Variants in UAP1 observed in about 807,000 individuals in gnomAD.
UAP1 encodes the protein UDP-N-acetylglucosamine pyrophosphorylase 1.
In UAP1, 25 loss-of-function variants were observed where a neutral mutation model predicts 58.5. The observed-to-expected ratio is 0.43, with a 90% CI of 0.31 to 0.60. The LOEUF (loss-of-function observed/expected upper bound fraction) is 0.60. UAP1 is among the 20% of genes least tolerant of loss of function. The pLI, the probability that UAP1 is intolerant of heterozygous loss-of-function variation, is 0.11. For missense variants in UAP1, 575 were observed against 630.0 expected, an observed-to-expected ratio of 0.91 and a Z score of 0.93; for synonymous variants, 208 against 213.0, an observed-to-expected ratio of 0.98 and a Z score of 0.21.
chr1:162,570,951 C>T (rs369692099), intron 2 of UAP1, among the ~76,000 whole-genome samples: 1 of 152,248 alleles, frequency 6.6e-6, no homozygotes, highest in South Asian at 2.1e-4. Flanking sequence ...AGCATTTGAC[C>T]TCTGACAGGC....
chr1:162,562,453 C>G (rs1482348707), intron 1 of UAP1: 3 of 151,400 alleles, frequency 2.0e-5, no homozygotes, highest in African/African-American at 7.3e-5. Context: ...TTCTGGGTTT[C>G]CCCTCTCTTG....
intron 5 of UAP1, among the ~76,000 whole-genome samples, chr1:162,581,690 G>C (rs1654595494): frequency 6.6e-6 from 1 of 152,180 alleles, no homozygotes; most frequent in Non-Finnish European, 1.5e-5. Flanking sequence ...ATGTGAGGAG[G>C]ATTTGTAAGT....
At chr1:162,588,182 G>A (rs1480585814) in intron 6 of UAP1, 1 of 154,412 alleles carries the variant, frequency 6.5e-6, no homozygotes, top group Admixed American at 6.5e-5. Context: ...TTAGCGGGTA[G>A]TGCTACAAAG....
rs917442491 is a variant in UAP1, at chr1:162,576,999, A to G, written c.485+18A>G. ...ATTCCATGGTAAGATACGTCTCATT[A>G]TTGGAGTGTGTCTGAACATATATTG... On this transcript the variant is annotated intron_variant, in intron 3 of 10. Coordinates refer to ENST00000271469, the Ensembl canonical transcript of UAP1. 1.9e-6 allele frequency: 3 copies of G among 1,608,678 alleles called. No homozygotes were observed. The highest frequency in any genetic ancestry group is 2.6e-6 in the Non-Finnish European group (3 of 1,175,066).
intron 1 of UAP1, among the ~76,000 whole-genome samples, chr1:162,565,364 CTGAT>C: frequency 6.6e-6 from 1 of 152,096 alleles, no homozygotes; most frequent in East Asian, 1.9e-4. Flanking sequence ...GTCTTATTCA[CTGAT>C]TGTTATATGT....
intron 5 of UAP1, among the ~76,000 whole-genome samples, chr1:162,584,005 G>C (rs1654762984): frequency 6.6e-6 from 1 of 152,212 alleles, no homozygotes; most frequent in Non-Finnish European, 1.5e-5. Flanking sequence ...GCCAGGATTA[G>C]AGTTCATGTT....
chr1:162,585,271 T>C (rs1387941898), intron 5 of UAP1, among the ~76,000 whole-genome samples: 1 of 143,424 alleles, frequency 7.0e-6, no homozygotes, highest in Non-Finnish European at 1.5e-5. Flanking sequence ...TTTTTTTTTT[T>C]CTGAGATAAG....
chr1:162,563,875 A>G (rs543877845), intron 1 of UAP1, among the ~76,000 whole-genome samples: 1 of 152,208 alleles, frequency 6.6e-6, no homozygotes, highest in Admixed American at 6.5e-5. Flanking sequence ...GAGGAAATCT[A>G]TGCACAGGGA....
Position 162,579,572 on chromosome 1 carries a change from G to A in UAP1, c.630G>A (p.Leu210=), listed in dbSNP as rs1162640476. The A allele has an allele frequency of 1.9e-6, 3 of 1,601,202 alleles. No individual in the cohort carries two copies. The Admixed American group carries it at 5.2e-5, about 28-fold the overall frequency. ...TGAGTTTTGATGGGAAAATTATTTT[G>A]GAAGAGAAGAACAAAGTTTCTATGG... Residue 210 remains leucine (L), a synonymous_variant, in exon 4 of 11, where the codon TTG becomes TTA. Coordinates refer to ENST00000271469, the Ensembl canonical transcript of UAP1.
In UAP1 at chr1:162,565,997, A is replaced by C; in HGVS notation, c.-57-15A>C. On this transcript the variant is annotated splice_polypyrimidine_tract_variant and intron_variant, in intron 1 of 10. Coordinates refer to ENST00000271469, the Ensembl canonical transcript of UAP1. Reference sequence around the variant, plus strand: ...GTTGGATTTTGACATGCCATTAATTACTTTTCTCTTTTAGGTTTACAGGTA... The same window carrying C: ...GTTGGATTTTGACATGCCATTAATTCCTTTTCTCTTTTAGGTTTACAGGTA... The C allele has an allele frequency of 6.8e-7, 1 of 1,472,126 alleles. No homozygotes were observed. The allele number at this position is 1,472,126 out of a possible 1,614,324, so 91.2% of individuals were successfully genotyped here.
chr1:162,585,387 C>T (rs1007314052), intron 5 of UAP1, among the ~76,000 whole-genome samples: 2 of 151,484 alleles, frequency 1.3e-5, no homozygotes, highest in African/African-American at 2.4e-5. Flanking sequence ...CCTCCTGAAT[C>T]GCTGGGATTA....
intron 1 of UAP1, among the ~76,000 whole-genome samples, chr1:162,561,999 C>G (rs995613165): frequency 6.6e-6 from 1 of 152,350 alleles, no homozygotes; most frequent in African/African-American, 2.4e-5. Context: ...CCTCCGCCAC[C>G]CCGCGAGAGG....
chr1:162,581,659 T>C lies in UAP1; in HGVS notation c.834+200T>C, dbSNP rs560864692. ...TTCTAGATGTAATGTTGTATACTTA[T>C]CACAGGTAAGAGTTTAAACTATGTG... is the stretch of plus-strand genomic sequence containing the variant. On this transcript the variant is annotated intron_variant, in intron 5 of 10. Transcript: ENST00000271469. Among the ~76,000 whole-genome samples, 34 of 152,338 alleles carry C rather than the reference T, an allele frequency of 2.2e-4. No homozygotes were observed. The East Asian group carries it at 5.4e-3, about 24-fold the overall frequency.
chr1:162,581,990 A>C (rs1467781815), intron 5 of UAP1, among the ~76,000 whole-genome samples: 3 of 152,186 alleles, frequency 2.0e-5, no homozygotes, highest in African/African-American at 7.2e-5. Context: ...GTTTGTAATG[A>C]TATGTAATGA....
At chr1:162,565,124 G>A (rs370776822) in intron 1 of UAP1, among the ~76,000 whole-genome samples, 19 of 152,190 alleles carry the variant, frequency 1.2e-4, no homozygotes, top group African/African-American at 4.6e-4. Flanking sequence ...GGGATTACAG[G>A]TGTGAGCTAC....
intron 2 of UAP1, 80 bp from the exon 3 acceptor site, chr1:162,576,697 T>C: frequency 7.5e-7 from 1 of 1,329,864 alleles, no homozygotes; most frequent in Non-Finnish European, 1.1e-6. Context: ...TTTTGATGAG[T>C]CTTTGCTGCT....
At chr1:162,572,643 G>A (rs1348695133) in intron 2 of UAP1, among the ~76,000 whole-genome samples, 1 of 152,222 alleles carries the variant, frequency 6.6e-6, no homozygotes, top group Non-Finnish European at 1.5e-5. Flanking sequence ...TGTCCAAAAT[G>A]TAGGTATTTG....
chr1:162,574,730 C>T (rs977121843), intron 2 of UAP1, among the ~76,000 whole-genome samples: 1 of 152,036 alleles, frequency 6.6e-6, no homozygotes, highest in Non-Finnish European at 1.5e-5. Flanking sequence ...GCTACTCTGC[C>T]TTATGGTACT....
At chr1:162,588,558 G>T in intron 6 of UAP1, 135 bp from the exon 7 acceptor site, 1 of 823,264 alleles carries the variant, frequency 1.2e-6, no homozygotes, top group Non-Finnish European at 1.9e-6. Flanking sequence ...ATTTAAATAT[G>T]AACTGAAACT....
Sources: gnomAD v4.1 joint callset for allele counts (sites outside exome capture counted in the v4.1 genomes callset) on GRCh38, gnomAD v4.1.1 for gene constraint, MANE v1.5 for transcripts, NCBI Gene and HGNC (gene_info 2026-07-23, HGNC 2026-07-21) for gene names.